The following JMY variants were observed in gnomAD, a reference collection of about 807,000 sequenced individuals.
The protein encoded by JMY is junction mediating and regulatory protein, p53 cofactor.
In JMY, 46 loss-of-function variants were observed where a neutral mutation model predicts 103.3. That is an observed-to-expected ratio of 0.45 (90% CI 0.35 to 0.57). The LOEUF (loss-of-function observed/expected upper bound fraction) is 0.57, where lower values mean the gene tolerates loss of function less well. Ranked by LOEUF, JMY falls within the 20% of genes least tolerant of loss-of-function variation. The probability of loss-of-function intolerance (pLI) is 0.00; values close to 1 mark genes in which losing one functional copy is unlikely to be tolerated. For synonymous variants in JMY, 526 were observed against 489.3 expected, an observed-to-expected ratio of 1.07 and a Z score of -0.99; for missense variants, 1,238 against 1,255.2, an observed-to-expected ratio of 0.99 and a Z score of 0.21.
At chr5:79,315,878 C>A in intron 9 of JMY, 122 bp from the exon 10 acceptor site, 1 of 785,842 alleles carries the variant, frequency 1.3e-6, no homozygotes, top group Non-Finnish European at 2.1e-6. Context: ...TTTCATGATC[C>A]ATTTTGAAGA....
rs1370285809 is a variant in JMY, at chr5:79,237,296, C to A, written c.646C>A (p.Pro216Thr). The A allele has an allele frequency of 6.4e-7, 1 of 1,558,588 alleles. No homozygotes were observed. The highest frequency in any genetic ancestry group is 1.4e-5 in the African/African-American group (1 of 73,274). ...LALSDAEQPPPATELESPAEE... is the reference protein window; with the variant it reads ...LALSDAEQPPTATELESPAEE... ...GCTCTCGGACGCGGAGCAGCCGCCG[C>A]CCGCCACCGAGCTGGAGTCTCCGGC... Residue 216 changes from proline to threonine, a missense_variant, in exon 1 of 11, where the codon CCC becomes ACC. By Grantham distance (38) the Pro-to-Thr change is conservative (BLOSUM62 -1). Transcript: ENST00000396137.
At chr5:79,258,466 C>T (rs1227657789) in intron 1 of JMY, among the ~76,000 whole-genome samples, 1 of 152,030 alleles carries the variant, frequency 6.6e-6, no homozygotes, top group Non-Finnish European at 1.5e-5. Flanking sequence ...ATTCTACCCA[C>T]TCAGCCTGGC....
chr5:79,242,969 T>G (rs2112042977), intron 1 of JMY, among the ~76,000 whole-genome samples: 1 of 152,238 alleles, frequency 6.6e-6, no homozygotes, highest in East Asian at 1.9e-4. Context: ...TTAGGATAAC[T>G]CATTTCGAAT....
chr5:79,253,633 C>T (rs1290876207), intron 1 of JMY, among the ~76,000 whole-genome samples: 1 of 152,128 alleles, frequency 6.6e-6, no homozygotes, highest in African/African-American at 2.4e-5. Context: ...AGCTTACACA[C>T]CACAGTTACA....
At chr5:79,289,806 A>G (rs1056943091) in intron 2 of JMY, among the ~76,000 whole-genome samples, 5 of 152,180 alleles carry the variant, frequency 3.3e-5, no homozygotes, top group African/African-American at 1.2e-4. Flanking sequence ...CTTAACCAAA[A>G]AAGATATTTT....
At chr5:79,317,610 C>T (rs1747278921) in intron 10 of JMY, among the ~76,000 whole-genome samples, 1 of 152,074 alleles carries the variant, frequency 6.6e-6, no homozygotes, top group Non-Finnish European at 1.5e-5. Flanking sequence ...TTCAAACATT[C>T]ACCAAAGTAG....
intron 6 of JMY, 24 bp downstream of exon 6, chr5:79,300,887 A>G (rs1746715057): frequency 6.4e-7 from 1 of 1,557,716 alleles, no homozygotes; most frequent in Non-Finnish European, 8.7e-7. Flanking sequence ...GCTTTTGTTC[A>G]TTATTTAGTC....
At position 79,266,002 on chromosome 5, in the gene JMY, G is replaced by A. The variant is rs147748057; in HGVS notation, c.1033-11908G>A. On this transcript the variant is annotated intron_variant, in intron 1 of 10. Coordinates refer to ENST00000396137, the MANE Select transcript of JMY (RefSeq NM_152405.5). ...TCACCATGTTGGCCATGCTGGTCTC[G>A]AACTCCTGACCTCAGGTGATCCACC... Among the ~76,000 whole-genome samples the A allele has an allele frequency of 4.6e-3, 700 of 152,024 alleles. 6 individuals carry two copies. Among genetic ancestry groups the A allele is most frequent in the African/African-American group, 0.016 (671 of 41,464 alleles).
rs1443632621 is a variant in JMY, at chr5:79,314,292, A to G, written c.2100A>G (p.Arg700=). 1 of 1,613,830 alleles carries G rather than the reference A, an allele frequency of 6.2e-7. No individual in the cohort carries two copies. The highest frequency in any genetic ancestry group is 8.5e-7 in the Non-Finnish European group (1 of 1,179,902). The change falls in exon 9 of 11, where the codon AGA becomes AGG. Residue 700 remains arginine (R), a synonymous_variant. Transcript: ENST00000396137. ...YPGQVILKST[R]LRLAHARRKG... ...GGCAAGTCATACTTAAATCAACCAG[A>G]TTACGACTAGCTCATGCAAGAAGAA...
At chr5:79,240,982 T>C (rs560675028) in intron 1 of JMY, among the ~76,000 whole-genome samples, 3 of 152,320 alleles carry the variant, frequency 2.0e-5, no homozygotes, top group African/African-American at 7.2e-5. Context: ...ATATGTTACT[T>C]TTGAGGATAT....
At chr5:79,286,518 G>A (rs1422113556) in intron 2 of JMY, among the ~76,000 whole-genome samples, 2 of 151,754 alleles carry the variant, frequency 1.3e-5, no homozygotes, top group South Asian at 2.1e-4. Flanking sequence ...TGGCGTGCTC[G>A]TGCAATCCCA....
intron 1 of JMY, among the ~76,000 whole-genome samples, chr5:79,245,779 C>T (rs1744881890): frequency 6.6e-6 from 1 of 152,108 alleles, no homozygotes; most frequent in South Asian, 2.1e-4. Context: ...GCATCTGCCA[C>T]CATACCCAGC....
chr5:79,248,279 A>C (rs1283156431), intron 1 of JMY, among the ~76,000 whole-genome samples: 1 of 150,778 alleles, frequency 6.6e-6, no homozygotes. Flanking sequence ...CATTTTAAAT[A>C]GTCCATAACA....
chr5:79,252,461 TA>T (rs1441818557), intron 1 of JMY, among the ~76,000 whole-genome samples: 1 of 152,094 alleles, frequency 6.6e-6, no homozygotes, highest in Non-Finnish European at 1.5e-5. Flanking sequence ...AAATGTTCTG[TA>T]AGTTTTTGTT....
rs186498932 is a variant in JMY at position 79,282,376 on chromosome 5, T to G, written c.1206+4293T>G. ...TCTAGATTTTAGTGATAAAAATGAA[T>G]GTACACATTTGTCAAAATCAATCAC... On this transcript the variant is annotated intron_variant, in intron 2 of 10. Transcript: ENST00000396137. 3.9e-5 allele frequency among the ~76,000 whole-genome samples: 6 copies of G among 152,268 alleles called. No individual in the cohort carries two copies. In the East Asian group the frequency reaches 1.2e-3, roughly 29 times the overall value.
rs527769940 is a variant in JMY, at chr5:79,266,288, G to A, written c.1033-11622G>A. ...TGTTTGGTTCACCATTGTGTCCCTA[G>A]TGTCTGGTAGAATGTCTACCTAGTG... is the stretch of plus-strand genomic sequence containing the variant. On this transcript the variant is annotated intron_variant, in intron 1 of 10. Transcript: ENST00000396137. Among the ~76,000 whole-genome samples, 8 of 152,330 alleles carry A rather than the reference G, an allele frequency of 5.3e-5. No individual in the cohort carries two copies. The South Asian group carries it at 1.7e-3, about 32-fold the overall frequency.
At chr5:79,301,696 G>A (rs1052024207) in intron 6 of JMY, among the ~76,000 whole-genome samples, 1 of 152,152 alleles carries the variant, frequency 6.6e-6, no homozygotes, top group Non-Finnish European at 1.5e-5. Flanking sequence ...ATAATTATGT[G>A]CCTTTGCTAT....
Position 79,237,517 on chromosome 5 carries a change from C to T in JMY, c.867C>T (p.Leu289=). ...EQEIDTLCYQ[L]QVYLGHGLDT... ...AAATCGACACTCTGTGTTACCAGCT[C>T]CAGGTCTACCTGGGCCACGGCCTGG... is the stretch of plus-strand genomic sequence containing the variant. Residue 289 remains leucine (L), a synonymous_variant, in exon 1 of 11, where the codon CTC becomes CTT. Transcript: ENST00000396137. The T allele has an allele frequency of 6.2e-7, 1 of 1,613,792 alleles. No individual in the cohort carries two copies. Among genetic ancestry groups the T allele is most frequent in the Non-Finnish European group, 8.5e-7 (1 of 1,180,022 alleles).
intron 1 of JMY, among the ~76,000 whole-genome samples, chr5:79,250,419 A>G (rs1262249780): frequency 6.6e-6 from 1 of 152,152 alleles, no homozygotes; most frequent in Non-Finnish European, 1.5e-5. Context: ...TGTCAATTTT[A>G]TTGATAGCTC....
Sources: gnomAD v4.1 joint callset for allele counts (sites outside exome capture counted in the v4.1 genomes callset) on GRCh38, gnomAD v4.1.1 for gene constraint, MANE v1.5 for transcripts, NCBI Gene and HGNC (gene_info 2026-07-23, HGNC 2026-07-21) for gene names.